The following BMP6 variants were observed in gnomAD, a reference collection of about 807,000 sequenced individuals.
The protein encoded by BMP6 is VG-1-R.
A neutral mutation model predicts 54.1 loss-of-function variants in BMP6; 17 were observed. The ratio of observed to expected loss-of-function variants is 0.31; its 90% CI spans 0.22 to 0.47. BMP6 has a LOEUF of 0.47. Ranked by LOEUF, BMP6 falls within the 20% of genes least tolerant of loss-of-function variation. The pLI is 1.00. For synonymous variants in BMP6, 328 were observed against 291.2 expected, an observed-to-expected ratio of 1.13 and a Z score of -1.28; for missense variants, 720 against 690.4, an observed-to-expected ratio of 1.04 and a Z score of -0.48.
chr6:7,727,905 C>T lies in BMP6; in HGVS notation c.664+286C>T, dbSNP rs564936665. ...GCTGTCCCCAGCGGGCGTGTATTTGCGGACTCCCTGAGCACGTTCCGCGCT... is the reference window on the plus strand; with the variant it reads ...GCTGTCCCCAGCGGGCGTGTATTTGTGGACTCCCTGAGCACGTTCCGCGCT... On this transcript the variant is annotated intron_variant, in intron 1 of 6. Transcript: ENST00000283147. Among the ~76,000 whole-genome samples the T allele has an allele frequency of 5.4e-4, 81 of 149,734 alleles. 1 individual carries two copies. The highest frequency in any genetic ancestry group is 1.9e-3 in the African/African-American group (77 of 41,072).
At chr6:7,833,896 TA>T (rs1022097522) in intron 1 of BMP6, among the ~76,000 whole-genome samples, 1 of 152,156 alleles carries the variant, frequency 6.6e-6, no homozygotes, top group Non-Finnish European at 1.5e-5. Context: ...GGCCTCCTGC[TA>T]AAAAACGACA....
chr6:7,839,545 T>A (rs1758931541), intron 1 of BMP6, among the ~76,000 whole-genome samples: 1 of 152,364 alleles, frequency 6.6e-6, no homozygotes, highest in South Asian at 2.1e-4. Flanking sequence ...CTACCTCATA[T>A]AAGTGGAATT....
chr6:7,730,113 T>G (rs760180209), intron 1 of BMP6, among the ~76,000 whole-genome samples: 3 of 152,210 alleles, frequency 2.0e-5, no homozygotes, highest in Non-Finnish European at 4.4e-5. Context: ...TTGTAAAGTA[T>G]AGTCATATTT....
In BMP6 at chr6:7,726,836, G is replaced by A. The variant is rs1191378417; in HGVS notation, c.-120G>A. 2 of 551,076 alleles carry A rather than the reference G, an allele frequency of 3.6e-6. No homozygotes were observed. Among genetic ancestry groups the A allele is most frequent in the East Asian group, 2.1e-4 (2 of 9,514 alleles). 34.1% of individuals were successfully genotyped at this position (551,076 alleles called of 1,614,324 possible). On this transcript the variant is annotated 5_prime_UTR_variant, in exon 1 of 7. Coordinates refer to ENST00000283147, the MANE Select transcript of BMP6 (RefSeq NM_001718.6). ...AAGGACTGAGGGCCAGGAAGGGGAA[G>A]CGAGCCCGCCGAGAGGTGGCGGGGA...
chr6:7,873,197 C>T (rs954298056), intron 4 of BMP6, among the ~76,000 whole-genome samples: 9 of 152,158 alleles, frequency 5.9e-5, no homozygotes, highest in Non-Finnish European at 1.0e-4. Flanking sequence ...AGACACCAGG[C>T]ACAAGTGAGG....
intron 1 of BMP6, among the ~76,000 whole-genome samples, chr6:7,832,600 A>G (rs1360761141): frequency 5.3e-5 from 8 of 152,000 alleles, no homozygotes. Flanking sequence ...AGGTGGTTAG[A>G]GGAGCAGCAA....
intron 1 of BMP6, among the ~76,000 whole-genome samples, chr6:7,785,716 A>G (rs1181907781): frequency 6.6e-6 from 1 of 152,184 alleles, no homozygotes; most frequent in East Asian, 1.9e-4. Context: ...CTGTTTATGG[A>G]GGGAGAGGAC....
intron 1 of BMP6, among the ~76,000 whole-genome samples, chr6:7,770,567 C>T (rs778079100): frequency 1.3e-5 from 2 of 152,206 alleles, no homozygotes; most frequent in South Asian, 2.1e-4. Context: ...AATATGTGTA[C>T]TTGGAGTCAT....
At chr6:7,862,861 C>G (rs1454684580) in intron 4 of BMP6, among the ~76,000 whole-genome samples, 1 of 152,168 alleles carries the variant, frequency 6.6e-6, no homozygotes, top group Non-Finnish European at 1.5e-5. Context: ...TTATGATGTG[C>G]AAGCGAACTT....
intron 1 of BMP6, among the ~76,000 whole-genome samples, chr6:7,735,661 C>T (rs4960349): frequency 6.6e-6 from 1 of 151,852 alleles, no homozygotes; most frequent in African/African-American, 2.4e-5. Flanking sequence ...CCAGGTACCC[C>T]CTGCCCCACA....
chr6:7,770,524 C>A lies in BMP6; in HGVS notation c.664+42905C>A, dbSNP rs540941138. Among the ~76,000 whole-genome samples the A allele has an allele frequency of 4.6e-5, 7 of 152,220 alleles. No homozygotes were observed. In the East Asian group the frequency reaches 1.4e-3, roughly 29 times the overall value. ...ACATAGGTTGGGACTGGAACAAAAC[C>A]TCAGTTGGAGGGATTCTGGATTAAC... On this transcript the variant is annotated intron_variant, in intron 1 of 6. Coordinates refer to ENST00000283147, the MANE Select transcript of BMP6 (RefSeq NM_001718.6).
intron 1 of BMP6, among the ~76,000 whole-genome samples, chr6:7,735,920 A>G (rs1369269476): frequency 2.0e-5 from 3 of 152,244 alleles, no homozygotes; most frequent in Non-Finnish European, 4.4e-5. Flanking sequence ...TTAAACAAGG[A>G]AAAACAAGTC....
chr6:7,806,652 A>G (rs1758351548), intron 1 of BMP6, among the ~76,000 whole-genome samples: 1 of 152,210 alleles, frequency 6.6e-6, no homozygotes, highest in African/African-American at 2.4e-5. Context: ...AAGTCATTAC[A>G]GAGATTTCTT....
intron 1 of BMP6, among the ~76,000 whole-genome samples, chr6:7,809,705 G>T (rs1255801506): frequency 6.6e-6 from 1 of 152,216 alleles, no homozygotes; most frequent in Non-Finnish European, 1.5e-5. Context: ...TACTGCAAAT[G>T]CTATTTGTTG....
intron 4 of BMP6, 129 bp downstream of exon 4, chr6:7,862,627 G>A: frequency 8.4e-7 from 1 of 1,186,352 alleles, no homozygotes; most frequent in Non-Finnish European, 1.2e-6. Flanking sequence ...GGTGTCATAT[G>A]CATGATGGTA....
intron 1 of BMP6, among the ~76,000 whole-genome samples, chr6:7,778,790 A>G (rs536090948): frequency 1.3e-5 from 2 of 152,314 alleles, no homozygotes; most frequent in African/African-American, 4.8e-5. Flanking sequence ...GACACCAGAC[A>G]CCACCTTTCT....
At chr6:7,785,681 G>C (rs1162256672) in intron 1 of BMP6, among the ~76,000 whole-genome samples, 3 of 152,142 alleles carry the variant, frequency 2.0e-5, no homozygotes, top group Non-Finnish European at 4.4e-5. Context: ...GTGTCTTGCA[G>C]ACTTCTTTTG....
chr6:7,870,747 C>T (rs928659166), intron 4 of BMP6, among the ~76,000 whole-genome samples: 3 of 152,246 alleles, frequency 2.0e-5, no homozygotes, highest in African/African-American at 7.2e-5. Context: ...CCTGCCTCGG[C>T]CTCCCGAGTA....
At chr6:7,734,186 C>T (rs9502644) in intron 1 of BMP6, among the ~76,000 whole-genome samples, 1,865 of 152,212 alleles carry the variant, frequency 0.012, 35 homozygotes, top group African/African-American at 0.04. Flanking sequence ...TCTGGGGACA[C>T]GTATGCCCCA....
Sources: allele counts gnomAD v4.1 joint callset (sites outside exome capture counted in the v4.1 genomes callset), GRCh38; gene constraint gnomAD v4.1.1; transcripts MANE v1.5; gene names NCBI Gene and HGNC (gene_info 2026-07-23, HGNC 2026-07-21).